Variants in CEP350 observed in about 807,000 individuals in gnomAD.
CEP350 encodes centrosome-associated protein 350.
In CEP350, 126 loss-of-function variants were observed where a neutral mutation model predicts 331.8. The ratio of observed to expected loss-of-function variants is 0.38; its 90% CI spans 0.33 to 0.44. The LOEUF (loss-of-function observed/expected upper bound fraction) is 0.44, where lower values mean the gene tolerates loss of function less well. CEP350 is among the 20% of genes least tolerant of loss of function. The pLI, the probability that CEP350 is intolerant of heterozygous loss-of-function variation, is 1.00. For synonymous variants in CEP350, 1,200 were observed against 1,259.5 expected (o/e 0.95, Z 1.00); for missense variants, 3,406 against 3,634.6 (o/e 0.94, Z 1.62).
intron 22 of CEP350, chr1:180,052,190 G>T (rs997804710): frequency 4.4e-6 from 2 of 453,796 alleles, no homozygotes; most frequent in Non-Finnish European, 8.8e-6. Context: ...GACAACTAGT[G>T]CCTACAAATT....
chr1:179,958,825 T>TTAATAAG (rs1315659857), intron 1 of CEP350, among the ~76,000 whole-genome samples: 4 of 152,166 alleles, frequency 2.6e-5, no homozygotes, highest in African/African-American at 9.7e-5. Flanking sequence ...AAAAAATAAG[T>TTAATAAG]TGCACTATAC....
intron 27 of CEP350, among the ~76,000 whole-genome samples, chr1:180,071,185 C>A (rs1046159198): frequency 9.4e-5 from 14 of 149,192 alleles, no homozygotes; most frequent in African/African-American, 3.5e-4. Flanking sequence ...AAGCCGGGCA[C>A]GGTGGCTCAT....
At chr1:180,019,523 G>A (rs763818863) in intron 11 of CEP350, among the ~76,000 whole-genome samples, 49 of 152,060 alleles carry the variant, frequency 3.2e-4, no homozygotes, top group Non-Finnish European at 5.7e-4. Flanking sequence ...TTAATATTTA[G>A]CAATTTTAAG....
In CEP350 at chr1:180,094,459, A is replaced by G. The variant is rs769625596; in HGVS notation, c.8354A>G (p.Asn2785Ser). 5.0e-6 allele frequency: 8 copies of G among 1,613,900 alleles called. No homozygotes were observed. Among genetic ancestry groups the G allele is most frequent in the East Asian group, 4.5e-5 (2 of 44,872 alleles). ...AGGGATGAGAAAATCCAGCTTAGCA[A>G]TCAGGAGCTTCTTGGTGATGACCAA... ...KTRDEKIQLS[N>S]QELLGDDQKK... The change falls in exon 34 of 38, where the codon AAT (asparagine) becomes AGT (serine). Residue 2785 changes from asparagine to serine, a missense_variant. By Grantham distance (46) the Asn-to-Ser change is conservative. Coordinates refer to ENST00000367607, the MANE Select transcript of CEP350 (RefSeq NM_014810.5).
intron 1 of CEP350, among the ~76,000 whole-genome samples, chr1:179,977,164 G>A (rs1651930292): frequency 6.6e-6 from 1 of 152,172 alleles, no homozygotes; most frequent in African/African-American, 2.4e-5. Context: ...AGCTAGAGCT[G>A]GGGTGAGGGG....
intron 6 of CEP350, among the ~76,000 whole-genome samples, chr1:180,001,508 C>T (rs1364783672): frequency 6.6e-6 from 1 of 152,204 alleles, no homozygotes; most frequent in Non-Finnish European, 1.5e-5. Context: ...ATCCACTCGC[C>T]TCAGCCTCCC....
intron 11 of CEP350, among the ~76,000 whole-genome samples, chr1:180,017,580 C>T (rs1475122349): frequency 6.6e-6 from 1 of 152,154 alleles, no homozygotes; most frequent in African/African-American, 2.4e-5. Context: ...TTAGACCATA[C>T]TACCTTGTAC....
chr1:179,997,375 A>G (rs1653527307), intron 6 of CEP350, among the ~76,000 whole-genome samples, 200 bp downstream of exon 6: 1 of 151,956 alleles, frequency 6.6e-6, no homozygotes, highest in African/African-American at 2.4e-5. Context: ...CCCTGTCTCT[A>G]CTAAAAATAC....
At chr1:180,073,458 T>C (rs1303057388) in intron 27 of CEP350, among the ~76,000 whole-genome samples, 1 of 152,218 alleles carries the variant, frequency 6.6e-6, no homozygotes, top group East Asian at 1.9e-4. Context: ...TTGTACTGTC[T>C]GTTAAAGCTT....
Position 179,986,187 on chromosome 1 carries a change from G to T in CEP350, c.6G>T (p.Arg2Ser), listed in dbSNP as rs993201777. 6 of 1,551,060 alleles carry T rather than the reference G, an allele frequency of 3.9e-6. No homozygotes were observed. Among genetic ancestry groups the T allele is most frequent in the South Asian group, 1.2e-5 (1 of 83,950 alleles). M[R>S]SSKSKEVPLP... The stretch of plus-strand genomic sequence containing the variant: ...ATTGCAGGTAAATTGGCAGGATGAG[G>T]AGCAGCAAATCAAAAGAGGTGCCTT... Residue 2 changes from arginine to serine, a missense_variant, in exon 2 of 38, where the codon AGG becomes AGT. Physicochemically the swap from Arg to Ser is moderately radical, Grantham distance 110. Transcript: ENST00000367607.
At chr1:180,052,937 A>T (rs1420380190) in intron 22 of CEP350, 33 bp from the exon 23 acceptor site, 1 of 819,838 alleles carries the variant, frequency 1.2e-6, no homozygotes, top group East Asian at 2.6e-5. Flanking sequence ...AACAATTATA[A>T]TGATAAAATC....
chr1:179,998,311 T>C lies in CEP350; in HGVS notation c.1018+1136T>C, dbSNP rs866480289. Among the ~76,000 whole-genome samples, 128 of 128,672 alleles carry C rather than the reference T, an allele frequency of 9.9e-4. 1 individual carries two copies. The Middle Eastern group carries it at 0.03, about 30-fold the overall frequency. The allele number at this position is 128,672 out of a possible 152,430, so 84.4% of individuals were successfully genotyped here. Reference sequence around the variant, plus strand: ...TTTGTTTCTTCTATTTTCTTTTTTTTTTTTTTTTTTTTTTTAAGACAGAGT... The same window carrying C: ...TTTGTTTCTTCTATTTTCTTTTTTTCTTTTTTTTTTTTTTTAAGACAGAGT... On this transcript the variant is annotated intron_variant, in intron 6 of 37. Coordinates refer to ENST00000367607, the MANE Select transcript of CEP350 (RefSeq NM_014810.5).
chr1:180,034,063 G>T lies in CEP350; in HGVS notation c.3927G>T (p.Glu1309Asp). ...LNPAASRTTT[E>D]NMAPIPGSKR... ...CGGCAGCCAGCAGAACAACGACAGA[G>T]AACATGGCTCCAATACCAGGTAAGT... The change falls in exon 16 of 38, where the codon GAG (glutamate) becomes GAT (aspartate). Residue 1309 changes from glutamate to aspartate, a missense_variant. Physicochemically the swap from Glu to Asp is conservative, Grantham distance 45. Around this residue, in one of 5 missense-constraint regions of CEP350, gnomAD observed 1,857 missense variants for 1,909.2 expected, o/e 0.97. Transcript: ENST00000367607. The T allele has an allele frequency of 6.2e-7, 1 of 1,613,678 alleles. No individual in the cohort carries two copies. Among genetic ancestry groups the T allele is most frequent in the Non-Finnish European group, 8.5e-7 (1 of 1,179,736 alleles).
chr1:180,014,187 T>C lies in CEP350; in HGVS notation c.1734T>C (p.Ala578=). ...AAAGAAAACCTGACAAAATAACAGC[T>C]AATGAAGATCCCCCTGTTATTTCCA... is the stretch of plus-strand genomic sequence containing the variant. ...PVKRKPDKIT[A]NEDPPVISKR... The change falls in exon 10 of 38, where the codon GCT becomes GCC. Residue 578 remains alanine, a synonymous_variant. Coordinates refer to ENST00000367607, the MANE Select transcript of CEP350 (RefSeq NM_014810.5). The C allele has an allele frequency of 1.9e-6, 3 of 1,609,412 alleles. No individual in the cohort carries two copies. Among genetic ancestry groups the C allele is most frequent in the Non-Finnish European group, 2.5e-6 (3 of 1,177,908 alleles).
chr1:180,007,876 G>GTGTGTGTA (rs1173274477), intron 8 of CEP350, among the ~76,000 whole-genome samples: 2 of 149,196 alleles, frequency 1.3e-5, no homozygotes, highest in Non-Finnish European at 3.0e-5. Context: ...GTGTGTGTGT[G>GTGTGTGTA]TGTTAAGGGG....
chr1:180,010,404 C>CTTT (rs60408983), intron 8 of CEP350, among the ~76,000 whole-genome samples: 4 of 119,804 alleles, frequency 3.3e-5, no homozygotes, highest in African/African-American at 1.3e-4. Context: ...CCCATGTTTG[C>CTTT]TTTTTTTTTT....
In CEP350 at chr1:179,993,730, A is replaced by G. The variant is rs530672597; in HGVS notation, c.395+1509A>G. Among the ~76,000 whole-genome samples the G allele has an allele frequency of 3.9e-5, 6 of 152,312 alleles. No homozygotes were observed. In the East Asian group the frequency reaches 1.2e-3, roughly 29 times the overall value. On this transcript the variant is annotated intron_variant, in intron 5 of 37. Transcript: ENST00000367607. ...AGTGCTTGGATTACAGTTGTGAGCC[A>G]CTGCGGCTGGCCTGTAAATTATGTA...
At chr1:180,041,314 C>A in intron 18 of CEP350, 66 bp downstream of exon 18, 1 of 1,179,156 alleles carries the variant, frequency 8.5e-7, no homozygotes, top group Non-Finnish European at 1.2e-6. Context: ...ATTACTTTAG[C>A]GTTCTTTTAA....
chr1:180,002,751 A>G (rs1252229272), intron 6 of CEP350, among the ~76,000 whole-genome samples: 1 of 152,242 alleles, frequency 6.6e-6, no homozygotes, highest in African/African-American at 2.4e-5. Flanking sequence ...ATGGACTATC[A>G]CTTGGCAATA....
Sources: allele counts gnomAD v4.1 joint callset (sites outside exome capture counted in the v4.1 genomes callset), GRCh38; gene constraint gnomAD v4.1.1; regional missense constraint gnomAD v4.1.1; transcripts MANE v1.5; gene names NCBI Gene and HGNC (gene_info 2026-07-23, HGNC 2026-07-21).